Variants in DLAT observed in about 807,000 individuals in gnomAD.
DLAT encodes the protein dihydrolipoyllysine-residue acetyltransferase component of pyruvate dehydrogenase complex, mitochondrial.
Under a neutral mutation model 68.0 loss-of-function variants are expected in DLAT, and 43 were observed. The ratio of observed to expected loss-of-function variants is 0.63; its 90% CI spans 0.50 to 0.81. DLAT has a LOEUF of 0.81. Ranked by LOEUF, DLAT falls within the 40% of genes least tolerant of loss-of-function variation. DLAT has a pLI of 0.00. For synonymous variants in DLAT, 265 were observed against 288.6 expected (o/e 0.92, Z 0.83); for missense variants, 745 against 815.4 (o/e 0.91, Z 1.05).
At chr11:112,048,066 A>G (rs1242410583) in intron 10 of DLAT, among the ~76,000 whole-genome samples, 1 of 152,148 alleles carries the variant, frequency 6.6e-6, no homozygotes, top group Non-Finnish European at 1.5e-5. Context: ...CAGTATGTCC[A>G]TTTTCACGAT....
chr11:112,047,118 C>T (rs1863361970), intron 10 of DLAT, among the ~76,000 whole-genome samples: 1 of 152,210 alleles, frequency 6.6e-6, no homozygotes. Flanking sequence ...TCTCCACATT[C>T]CAGCATCTGT....
chr11:112,045,761 G>C lies in DLAT; in HGVS notation c.1291-102G>C. On this transcript the variant is annotated intron_variant, in intron 9 of 13. Coordinates refer to ENST00000280346, the MANE Select transcript of DLAT (RefSeq NM_001931.5). ...ATCTTTCAATTATAATAATGCTTGA[G>C]GTAAGTATTAGCAGAGAGTAAGGTG... The C allele has an allele frequency of 5.5e-6, 4 of 725,920 alleles. No individual in the cohort carries two copies. The South Asian group carries it at 6.2e-5, about 11-fold the overall frequency. The allele number at this position is 725,920 out of a possible 1,614,324, so 45.0% of individuals were successfully genotyped here. A position where few individuals can be genotyped will look rare whatever the true frequency, so the allele number is the denominator to read the frequency against.
At chr11:112,035,884 G>A (rs1226505075) in intron 5 of DLAT, among the ~76,000 whole-genome samples, 4 of 148,748 alleles carry the variant, frequency 2.7e-5, no homozygotes, top group Non-Finnish European at 4.4e-5. Flanking sequence ...TCCACCTCCC[G>A]GGTTCAAGCA....
intron 11 of DLAT, among the ~76,000 whole-genome samples, chr11:112,055,804 T>C (rs12576402): frequency 0.35 from 51,865 of 148,764 alleles, 9,395 homozygotes; most frequent in East Asian, 0.58. Context: ...AGGAATTTTT[T>C]TTTTAATATT....
rs183679297 is a variant in DLAT, at chr11:112,057,237, T to C, written c.1515-2666T>C. On this transcript the variant is annotated intron_variant, in intron 11 of 13. Coordinates refer to ENST00000280346, the MANE Select transcript of DLAT (RefSeq NM_001931.5). ...CTGTCTCTCTCCCTCTCCTTGGGCC[T>C]CCCTATTCCATGAGACACAATAAAA... 2.2e-3 allele frequency among the ~76,000 whole-genome samples: 339 copies of C among 152,326 alleles called. 1 individual carries two copies. The highest frequency in any genetic ancestry group is 3.9e-3 in the Non-Finnish European group (262 of 68,036).
Position 112,033,444 on chromosome 11 carries a change from C to G in DLAT, c.701C>G (p.Thr234Arg), listed in dbSNP as rs969402743. The change falls in exon 5 of 14, where the codon ACA (threonine) becomes AGA (arginine). Residue 234 changes from threonine (T) to arginine (R), a missense_variant. Transcript: ENST00000280346. ...PALSPTMTMGTVQRWEKKVGE... is the reference protein window; with the variant it reads ...PALSPTMTMGRVQRWEKKVGE... ...CTCTCTCCCACCATGACCATGGGCA[C>G]AGTTCAGAGATGGGAAAAAAAAGTG... The G allele has an allele frequency of 6.2e-7, 1 of 1,613,784 alleles. No individual in the cohort carries two copies. The highest frequency in any genetic ancestry group is 8.5e-7 in the Non-Finnish European group (1 of 1,179,886).
chr11:112,025,688 C>T lies in DLAT; in HGVS notation c.216C>T (p.Arg72=). Reference sequence around the variant, plus strand: ...GTTCTGGGGCCACGCCGCGGAACCGCTTACTGCTGCAGCTTTTGGGGTCGC... The same window carrying T: ...GTTCTGGGGCCACGCCGCGGAACCGTTTACTGCTGCAGCTTTTGGGGTCGC... ...TPSSGATPRN[R]LLLQLLGSPG... The change falls in exon 1 of 14, where the codon CGC becomes CGT. Residue 72 remains arginine, a synonymous_variant. Transcript: ENST00000280346. 11 of 1,613,082 alleles carry T rather than the reference C, an allele frequency of 6.8e-6. No individual in the cohort carries two copies. Among genetic ancestry groups the T allele is most frequent in the Non-Finnish European group, 9.3e-6 (11 of 1,179,976 alleles).
At chr11:112,028,311 C>A (rs587650222) in intron 2 of DLAT, among the ~76,000 whole-genome samples, 1 of 150,494 alleles carries the variant, frequency 6.6e-6, no homozygotes. Context: ...CCCAGCTACT[C>A]GGGAGGCTGA....
At position 112,039,357 on chromosome 11, in the gene DLAT, G is replaced by C. The variant is rs1566620886; in HGVS notation, c.1089G>C (p.Lys363Asn). 2 of 1,614,120 alleles carry C rather than the reference G, an allele frequency of 1.2e-6. No homozygotes were observed. Among genetic ancestry groups the C allele is most frequent in the Non-Finnish European group, 1.7e-6 (2 of 1,180,010 alleles). The change falls in exon 7 of 14, where the codon AAG (lysine) becomes AAC (asparagine). Residue 363 changes from lysine (K) to asparagine (N), a missense_variant. Transcript: ENST00000280346. ...TGTTTGTTAGCCCTCTTGCAAAGAA[G>C]TTGGCAGTAGAGAAAGGGATTGATC... ...GRVFVSPLAK[K>N]LAVEKGIDLT...
intron 11 of DLAT, among the ~76,000 whole-genome samples, chr11:112,059,560 CTT>C (rs1555182960): frequency 1.3e-5 from 2 of 152,018 alleles, no homozygotes; most frequent in African/African-American, 4.8e-5. Flanking sequence ...GCCCAGCTAA[CTT>C]TTGTATTTTT....
intron 12 of DLAT, among the ~76,000 whole-genome samples, chr11:112,060,516 G>A (rs1864517829): frequency 6.6e-6 from 1 of 151,706 alleles, no homozygotes; most frequent in African/African-American, 2.4e-5. Context: ...GTACAATGGT[G>A]CAATCTTGGC....
intron 8 of DLAT, 51 bp from the exon 9 acceptor site, chr11:112,045,087 T>G: frequency 7.0e-7 from 1 of 1,424,394 alleles, no homozygotes; most frequent in Non-Finnish European, 9.9e-7. Flanking sequence ...CCCAGGTACT[T>G]ACGCTAAGAT....
intron 5 of DLAT, among the ~76,000 whole-genome samples, chr11:112,035,580 C>T (rs1174034237): frequency 6.6e-6 from 1 of 151,824 alleles, no homozygotes; most frequent in South Asian, 2.1e-4. Flanking sequence ...CCTCTGCCTC[C>T]TGGGTTCAAG....
intron 11 of DLAT, among the ~76,000 whole-genome samples, chr11:112,059,271 C>G (rs587645359): frequency 9.9e-5 from 15 of 152,088 alleles, no homozygotes; most frequent in Middle Eastern, 3.4e-3. Flanking sequence ...CAGCTGCATT[C>G]ACGTGTCGGT....
chr11:112,045,116 A>G, intron 8 of DLAT, 22 bp from the exon 9 acceptor site: 1 of 1,594,046 alleles, frequency 6.3e-7, no homozygotes, highest in Non-Finnish European at 8.6e-7. Flanking sequence ...AGTTACTAAG[A>G]GCTTTTTCTT....
At chr11:112,037,832 C>CAGT (rs1372859354) in intron 6 of DLAT, among the ~76,000 whole-genome samples, 1 of 149,730 alleles carries the variant, frequency 6.7e-6, no homozygotes, top group Non-Finnish European at 1.5e-5. Context: ...GGCTGGAGTG[C>CAGT]AGTGGTGCAA....
Position 112,037,544 on chromosome 11 carries a change from C to T in DLAT, c.975+84C>T, listed in dbSNP as rs1377323346. On this transcript the variant is annotated intron_variant, in intron 6 of 13. Coordinates refer to ENST00000280346, the MANE Select transcript of DLAT (RefSeq NM_001931.5). The stretch of plus-strand genomic sequence containing the variant: ...TTTTGATTAGATGATATCCTAGGTT[C>T]CTTCCACCTCCAAGATTCTATGACT... 4 of 1,304,014 alleles carry T rather than the reference C, an allele frequency of 3.1e-6. No individual in the cohort carries two copies. The Admixed American group carries it at 7.4e-5, about 24-fold the overall frequency. 80.8% of individuals were successfully genotyped at this position (1,304,014 alleles called of 1,614,324 possible).
At chr11:112,027,524 G>A (rs1862126745) in intron 2 of DLAT, among the ~76,000 whole-genome samples, 1 of 151,798 alleles carries the variant, frequency 6.6e-6, no homozygotes, top group Admixed American at 6.6e-5. Flanking sequence ...CTGCAATCTC[G>A]GCACTTTGGG....
intron 7 of DLAT, among the ~76,000 whole-genome samples, chr11:112,039,848 A>G (rs1200735740): frequency 6.6e-6 from 1 of 152,220 alleles, no homozygotes; most frequent in Non-Finnish European, 1.5e-5. Context: ...GGCAAGGGAA[A>G]ACGCCTTACT....
Sources: allele counts gnomAD v4.1 joint callset (sites outside exome capture counted in the v4.1 genomes callset), GRCh38; gene constraint gnomAD v4.1.1; transcripts MANE v1.5; gene names NCBI Gene and HGNC (gene_info 2026-07-23, HGNC 2026-07-21).